The following FER variants were observed in gnomAD, a reference collection of about 807,000 sequenced individuals.
The protein encoded by FER is FER tyrosine kinase, also known as tyrosine-protein kinase Fer.
In FER, 63 loss-of-function variants were observed where a neutral mutation model predicts 111.0. That is an observed-to-expected ratio of 0.57 (90% CI 0.46 to 0.70). The LOEUF is 0.70. Ranked by LOEUF, FER falls within the 30% of genes least tolerant of loss-of-function variation. The pLI is 0.00. For synonymous variants in FER, 327 were observed against 313.9 expected, an observed-to-expected ratio of 1.04 and a Z score of -0.44; for missense variants, 914 against 954.0, an observed-to-expected ratio of 0.96 and a Z score of 0.55.
At chr5:108,962,604 AG>A (rs1233060275) in intron 13 of FER, among the ~76,000 whole-genome samples, 1 of 152,238 alleles carries the variant, frequency 6.6e-6, no homozygotes, top group Admixed American at 6.5e-5. Context: ...GTGCTGACCC[AG>A]GGTAACATTC....
chr5:109,105,430 A>C (rs1017007339), intron 17 of FER, among the ~76,000 whole-genome samples: 1 of 152,188 alleles, frequency 6.6e-6, no homozygotes, highest in Admixed American at 6.5e-5. Context: ...GAGTATACTG[A>C]AAAAGTATTT....
chr5:108,853,017 TAAGAG>T (rs1762676435), intron 5 of FER, among the ~76,000 whole-genome samples: 1 of 152,164 alleles, frequency 6.6e-6, no homozygotes, highest in Admixed American at 6.5e-5. Context: ...ATGAAAAACT[TAAGAG>T]AAGTTCTGTC....
At position 109,180,914 on chromosome 5, in the gene FER, C is replaced by G. The variant is rs1262998886; in HGVS notation, c.2203+13C>G. ...GCTCTTAATTATGGTAAGAATAGAC[C>G]ACATTTTTTTTTTAATGGTAAAAAT... On this transcript the variant is annotated intron_variant, in intron 18 of 19. Coordinates refer to ENST00000281092, the MANE Select transcript of FER (RefSeq NM_005246.4). 1.3e-6 allele frequency: 2 copies of G among 1,568,022 alleles called. No individual in the cohort carries two copies. The highest frequency in any genetic ancestry group is 1.7e-6 in the Non-Finnish European group (2 of 1,163,018).
At chr5:108,772,109 G>A (rs1313275842) in intron 2 of FER, among the ~76,000 whole-genome samples, 1 of 152,054 alleles carries the variant, frequency 6.6e-6, no homozygotes, top group South Asian at 2.1e-4. Flanking sequence ...GGGGAATGCA[G>A]CTCTCTGCAG....
At chr5:108,862,064 C>T (rs1763576610) in intron 5 of FER, among the ~76,000 whole-genome samples, 1 of 152,134 alleles carries the variant, frequency 6.6e-6, no homozygotes. Flanking sequence ...TACTCCTCCC[C>T]AAAATCTGTC....
chr5:109,087,430 C>G (rs577901309), intron 16 of FER, among the ~76,000 whole-genome samples: 22 of 151,710 alleles, frequency 1.5e-4, no homozygotes, highest in African/African-American at 5.3e-4. Context: ...TCTTTATTTC[C>G]CTTTGCTCTA....
intron 8 of FER, among the ~76,000 whole-genome samples, chr5:108,878,295 G>A (rs1016938247): frequency 6.6e-6 from 1 of 152,164 alleles, no homozygotes; most frequent in Non-Finnish European, 1.5e-5. Flanking sequence ...TTACAAAAAG[G>A]TATACAATAA....
intron 9 of FER, among the ~76,000 whole-genome samples, chr5:108,892,784 G>A (rs62360797): frequency 0.038 from 5,851 of 152,124 alleles, 166 homozygotes; most frequent in Middle Eastern, 0.088. Context: ...TTTCTTCTAG[G>A]GTTTTTATGG....
chr5:109,103,695 A>G (rs1748541093), intron 17 of FER, among the ~76,000 whole-genome samples: 1 of 152,118 alleles, frequency 6.6e-6, no homozygotes, highest in Non-Finnish European at 1.5e-5. Flanking sequence ...TACTTTATGA[A>G]CTGTTTGAAA....
At chr5:109,048,028 A>G (rs967447030) in intron 16 of FER, among the ~76,000 whole-genome samples, 2 of 152,170 alleles carry the variant, frequency 1.3e-5, no homozygotes, top group African/African-American at 4.8e-5. Flanking sequence ...CAAATAGAGT[A>G]TTTAATAAGT....
intron 17 of FER, among the ~76,000 whole-genome samples, chr5:109,146,258 A>ATATATATTATCTATC (rs1754154345): frequency 7.8e-5 from 5 of 64,198 alleles, no homozygotes; most frequent in African/African-American, 4.1e-4. Flanking sequence ...TATCTAATAT[A>ATATATATTATCTATC]TATATATATA....
intron 13 of FER, among the ~76,000 whole-genome samples, chr5:108,962,924 A>G (rs1411836668): frequency 3.9e-5 from 6 of 152,208 alleles, no homozygotes; most frequent in Admixed American, 3.9e-4. Flanking sequence ...TCTAAGTTTT[A>G]GAGGCTAAAA....
chr5:108,960,149 T>G (rs1758953112), intron 13 of FER, among the ~76,000 whole-genome samples: 1 of 152,160 alleles, frequency 6.6e-6, no homozygotes. Flanking sequence ...TGATATGACT[T>G]TTATACATTT....
At chr5:109,133,919 T>G (rs575766175) in intron 17 of FER, among the ~76,000 whole-genome samples, 1 of 152,242 alleles carries the variant, frequency 6.6e-6, no homozygotes, top group Non-Finnish European at 1.5e-5. Context: ...ATCACAGATG[T>G]TATTTTTTAC....
At chr5:109,056,053 C>A (rs1360414070) in intron 16 of FER, among the ~76,000 whole-genome samples, 2 of 152,038 alleles carry the variant, frequency 1.3e-5, no homozygotes, top group Admixed American at 1.3e-4. Context: ...ATTAGGATGG[C>A]TATTTTTAAA....
At chr5:109,034,554 G>A (rs919216724) in intron 13 of FER, among the ~76,000 whole-genome samples, 2 of 151,962 alleles carry the variant, frequency 1.3e-5, no homozygotes, top group South Asian at 4.1e-4. Flanking sequence ...GGTAAAAGTA[G>A]CCCATAAATC....
At chr5:109,113,702 T>C (rs1749900256) in intron 17 of FER, among the ~76,000 whole-genome samples, 1 of 152,170 alleles carries the variant, frequency 6.6e-6, no homozygotes, top group African/African-American at 2.4e-5. Context: ...GCCTGGCGCA[T>C]AGTATGGCTG....
intron 2 of FER, among the ~76,000 whole-genome samples, chr5:108,795,745 T>A (rs965913779): frequency 6.6e-6 from 1 of 152,220 alleles, no homozygotes; most frequent in African/African-American, 2.4e-5. Context: ...TAAATTTATC[T>A]AGATAGAATT....
chr5:108,877,380 G>A (rs770244269), intron 8 of FER, among the ~76,000 whole-genome samples: 2 of 152,186 alleles, frequency 1.3e-5, no homozygotes, highest in African/African-American at 2.4e-5. Context: ...AAAGTTGTAT[G>A]GAAGAAAGCA....
Sources: allele counts gnomAD v4.1 joint callset (sites outside exome capture counted in the v4.1 genomes callset), GRCh38; gene constraint gnomAD v4.1.1; transcripts MANE v1.5; gene names NCBI Gene and HGNC (gene_info 2026-07-23, HGNC 2026-07-21).